The following RRAS2 variants were observed in gnomAD, a reference collection of about 807,000 sequenced individuals.
RRAS2 encodes the protein RAS related 2.
Under a neutral mutation model 27.6 loss-of-function variants are expected in RRAS2, and 7 were observed. That is an observed-to-expected ratio of 0.25 (90% CI 0.14 to 0.48). The LOEUF is 0.48. RRAS2 is among the 20% of genes least tolerant of loss of function. The pLI is 0.99. For synonymous variants in RRAS2, 86 were observed against 90.9 expected (o/e 0.95, Z 0.31); for missense variants, 178 against 256.2 (o/e 0.69, Z 2.08).
chr11:14,321,344 G>C (rs974427593), intron 1 of RRAS2, among the ~76,000 whole-genome samples: 4 of 152,122 alleles, frequency 2.6e-5, no homozygotes, highest in Non-Finnish European at 4.4e-5. Flanking sequence ...ACAGGGAAGG[G>C]AACTAACTCT....
chr11:14,340,465 A>G (rs1297943799), intron 1 of RRAS2, among the ~76,000 whole-genome samples: 5 of 152,028 alleles, frequency 3.3e-5, no homozygotes, highest in Admixed American at 3.3e-4. Context: ...TACACAAAAA[A>G]GTTTAAGAAT....
At chr11:14,313,744 C>G (rs1591464740) in intron 1 of RRAS2, among the ~76,000 whole-genome samples, 2 of 152,294 alleles carry the variant, frequency 1.3e-5, no homozygotes, top group East Asian at 3.9e-4. Flanking sequence ...GAAGCCAGGA[C>G]AGAGGCATGG....
At chr11:14,313,012 A>G (rs537534963) in intron 1 of RRAS2, among the ~76,000 whole-genome samples, 1 of 152,220 alleles carries the variant, frequency 6.6e-6, no homozygotes, top group Non-Finnish European at 1.5e-5. Context: ...ACTTAACCTC[A>G]TTCTACCAGC....
chr11:14,341,248 T>G (rs1554953217), intron 1 of RRAS2, among the ~76,000 whole-genome samples: 1 of 152,222 alleles, frequency 6.6e-6, no homozygotes, highest in Non-Finnish European at 1.5e-5. Context: ...TCTAGTATGA[T>G]ACTCCAGGTT....
chr11:14,342,501 T>C (rs1438336024), intron 1 of RRAS2, among the ~76,000 whole-genome samples: 2 of 152,178 alleles, frequency 1.3e-5, no homozygotes, highest in African/African-American at 2.4e-5. Flanking sequence ...TACCTGCTCC[T>C]AATTAAAAAA....
intron 1 of RRAS2, among the ~76,000 whole-genome samples, chr11:14,318,094 A>G (rs368749909): frequency 2.0e-5 from 3 of 152,194 alleles, no homozygotes; most frequent in Admixed American, 2.0e-4. Flanking sequence ...AGGAAAAGGA[A>G]ACCCTGTCTT....
intron 1 of RRAS2, among the ~76,000 whole-genome samples, chr11:14,339,549 T>C (rs1216858587): frequency 6.6e-6 from 1 of 152,154 alleles, no homozygotes; most frequent in Non-Finnish European, 1.5e-5. Context: ...ACTTCCTCTA[T>C]AAAGCACTCT....
rs1274630980 is a variant in RRAS2 at position 14,278,595 on chromosome 11, CAG to C, written c.*740_*741del. 6.6e-6 allele frequency: 1 copy of C among 151,982 alleles called. No homozygotes were observed. Among genetic ancestry groups the C allele is most frequent in the Non-Finnish European group, 1.5e-5 (1 of 67,964 alleles). The allele number at this position is 151,982 out of a possible 1,614,324, so 9.4% of individuals were successfully genotyped here. A position where few individuals can be genotyped will look rare whatever the true frequency, so the allele number is the denominator to read the frequency against. ...ACCCAGAAATACTTGAAAAGGAAGA[CAG>C]AAGGAAATTATTCCTTTTTACCCTT... On this transcript the variant is annotated 3_prime_UTR_variant, in exon 6 of 6. Transcript: ENST00000256196.
At chr11:14,330,297 C>T (rs143060193) in intron 1 of RRAS2, among the ~76,000 whole-genome samples, 23 of 152,296 alleles carry the variant, frequency 1.5e-4, no homozygotes, top group Non-Finnish European at 2.8e-4. Context: ...CCTGGCCAGG[C>T]TCAGCAGCTT....
At chr11:14,286,014 G>A (rs1420425762) in intron 4 of RRAS2, among the ~76,000 whole-genome samples, 1 of 152,170 alleles carries the variant, frequency 6.6e-6, no homozygotes, top group Non-Finnish European at 1.5e-5. Flanking sequence ...GACTTCTGCT[G>A]TTAATCCCAT....
rs1229086243 is a variant in RRAS2 at position 14,326,783 on chromosome 11, G to A, written c.109-30928C>T. Among the ~76,000 whole-genome samples the A allele has an allele frequency of 1.5e-3, 24 of 16,096 alleles. 9 individuals carry two copies. The highest frequency in any genetic ancestry group is 9.4e-3 in the East Asian group (8 of 854). 10.6% of individuals were successfully genotyped at this position (16,096 alleles called of 152,430 possible). A position where few individuals can be genotyped will look rare whatever the true frequency, so the allele number is the denominator to read the frequency against. ...TCCTATTAAGAATATGATTTTGGCC[G>A]GGCGCGGTGGCTCACGCCTGTAATC... is the stretch of plus-strand genomic sequence containing the variant. On this transcript the variant is annotated intron_variant, in intron 1 of 5. Coordinates refer to ENST00000256196, the MANE Select transcript of RRAS2 (RefSeq NM_012250.6).
chr11:14,299,960 AAC>A (rs1554947140), intron 1 of RRAS2, among the ~76,000 whole-genome samples: 2 of 152,200 alleles, frequency 1.3e-5, no homozygotes, highest in African/African-American at 2.4e-5. Context: ...CAGAAAAGAA[AAC>A]AGTCTCTCTC....
chr11:14,300,631 A>AT (rs1232928833), intron 1 of RRAS2, among the ~76,000 whole-genome samples: 2 of 152,154 alleles, frequency 1.3e-5, no homozygotes, highest in East Asian at 3.9e-4. Context: ...GAAGCCCCTA[A>AT]TAATGCCAAA....
At chr11:14,349,381 C>T (rs1848905256) in intron 1 of RRAS2, among the ~76,000 whole-genome samples, 1 of 148,836 alleles carries the variant, frequency 6.7e-6, no homozygotes, top group South Asian at 2.1e-4. Context: ...CCAGGATGGT[C>T]TCGATCTGCT....
At chr11:14,345,516 G>A (rs1848810625) in intron 1 of RRAS2, among the ~76,000 whole-genome samples, 1 of 152,184 alleles carries the variant, frequency 6.6e-6, no homozygotes, top group Admixed American at 6.5e-5. Context: ...AGGTGAACCA[G>A]ACACAGATCG....
chr11:14,337,894 A>G (rs1554952755), intron 1 of RRAS2, among the ~76,000 whole-genome samples: 1 of 152,204 alleles, frequency 6.6e-6, no homozygotes, highest in East Asian at 1.9e-4. Flanking sequence ...GGCCACCCTA[A>G]AAGAATGGCT....
chr11:14,281,467 GA>G (rs1849533937), intron 5 of RRAS2, 134 bp downstream of exon 5: 1 of 558,570 alleles, frequency 1.8e-6, no homozygotes, highest in Admixed American at 4.0e-5. Flanking sequence ...GAAGTGCCTA[GA>G]ATATGTACTT....
intron 1 of RRAS2, 75 bp from the exon 2 acceptor site, chr11:14,295,930 T>C: frequency 1.4e-6 from 2 of 1,384,672 alleles, no homozygotes; most frequent in Non-Finnish European, 2.0e-6. Flanking sequence ...TCCTATGCTC[T>C]GGGAGGCCGA....
chr11:14,288,552 C>T lies in RRAS2; in HGVS notation c.408+5919G>A, dbSNP rs367925540. Among the ~76,000 whole-genome samples the T allele has an allele frequency of 2.4e-4, 36 of 152,290 alleles. No homozygotes were observed. The East Asian group carries it at 6.6e-3, about 28-fold the overall frequency. The stretch of plus-strand genomic sequence containing the variant: ...AAAAGTAAGTACTTCCTAGAGGTTC[C>T]TCAACCCAGATAATTTCATAAAGAT... On this transcript the variant is annotated intron_variant, in intron 4 of 5. Coordinates refer to ENST00000256196, the MANE Select transcript of RRAS2 (RefSeq NM_012250.6).
Sources: allele counts gnomAD v4.1 joint callset (sites outside exome capture counted in the v4.1 genomes callset), GRCh38; gene constraint gnomAD v4.1.1; transcripts MANE v1.5; gene names NCBI Gene and HGNC (gene_info 2026-07-23, HGNC 2026-07-21).